IL20RB: variants seen among roughly 807,000 people sequenced by gnomAD.
IL20RB encodes interleukin-20 receptor subunit beta.
Under a neutral mutation model 33.3 loss-of-function variants are expected in IL20RB, and 21 were observed. That is an observed-to-expected ratio of 0.63 (90% CI 0.45 to 0.91). The LOEUF (loss-of-function observed/expected upper bound fraction) is 0.91. IL20RB is among the 40% of genes least tolerant of loss of function. The pLI is 0.00. For synonymous variants in IL20RB, 147 were observed against 146.8 expected (o/e 1.00, Z -0.01); for missense variants, 345 against 384.8 (o/e 0.90, Z 0.86).
intron 3 of IL20RB, among the ~76,000 whole-genome samples, chr3:136,987,158 C>G (rs1941922301): frequency 6.6e-6 from 1 of 152,112 alleles, no homozygotes; most frequent in South Asian, 2.1e-4. Flanking sequence ...GGGCAGCCTG[C>G]TTTTATTCTC....
chr3:136,992,127 T>G (rs1378973919), intron 5 of IL20RB, 39 bp downstream of exon 5: 6 of 1,601,618 alleles, frequency 3.7e-6, no homozygotes, highest in Non-Finnish European at 4.3e-6. Flanking sequence ...CCTGCACAGG[T>G]GATAGCCCCT....
Position 136,957,995 on chromosome 3 carries a change from G to T in IL20RB, c.-119G>T. The T allele has an allele frequency of 1.5e-6, 1 of 674,202 alleles. No individual in the cohort carries two copies. The highest frequency in any genetic ancestry group is 2.6e-6 in the Non-Finnish European group (1 of 388,416). 41.8% of individuals were successfully genotyped at this position (674,202 alleles called of 1,614,324 possible). On this transcript the variant is annotated 5_prime_UTR_variant, in exon 1 of 7. Transcript: ENST00000329582. ...CTGGGCCGGCTCTAGAACAATTCAG[G>T]CTTCGCTGCGACTCAGACCTCAGCT...
chr3:136,995,696 T>C (rs1452709231), intron 6 of IL20RB, 140 bp downstream of exon 6: 3 of 799,710 alleles, frequency 3.8e-6, no homozygotes, highest in Non-Finnish European at 3.9e-6. Flanking sequence ...GGAATACTTA[T>C]AAAATACTTC....
Position 136,995,478 on chromosome 3 carries a change from C to A in IL20RB, c.747C>A (p.Val249=). 1 of 1,614,096 alleles carries A rather than the reference C, an allele frequency of 6.2e-7. No homozygotes were observed. The highest frequency in any genetic ancestry group is 8.5e-7 in the Non-Finnish European group (1 of 1,180,026). ...TTGGCTTCATGCTGATCCTTGTGGT[C>A]GTGCCACTGTTCGTCTGGAAAATGG... ...AFVGFMLILV[V]VPLFVWKMGR... is the part of the protein sequence containing the mutation. The change falls in exon 6 of 7, where the codon GTC becomes GTA. Residue 249 remains valine (V), a synonymous_variant. Coordinates refer to ENST00000329582, the MANE Select transcript of IL20RB (RefSeq NM_144717.4).
In IL20RB at chr3:136,991,992, G is replaced by T; in HGVS notation, c.586G>T (p.Glu196Ter). The part of the protein sequence containing the change: ...GGIPVHLETM[E>*]PGAAYCVKAQ... ...TATTCCAGTGCACCTAGAAACCATG[G>T]AGCCAGGGGCTGCATACTGTGTGAA... is the stretch of plus-strand genomic sequence containing the variant. Residue 196 changes from glutamate (E) to a stop codon, truncating the protein, a stop_gained, in exon 5 of 7, where the codon GAG (glutamate) becomes TAG (stop). Transcript: ENST00000329582. LOFTEE classifies it high-confidence loss of function. 1 of 1,614,160 alleles carries T rather than the reference G, an allele frequency of 6.2e-7. No homozygotes were observed. The highest frequency in any genetic ancestry group is 8.5e-7 in the Non-Finnish European group (1 of 1,180,004).
At chr3:136,983,789 G>A (rs1217745458) in intron 3 of IL20RB, among the ~76,000 whole-genome samples, 1 of 152,198 alleles carries the variant, frequency 6.6e-6, no homozygotes, top group Non-Finnish European at 1.5e-5. Flanking sequence ...AGTCCCTGAG[G>A]CTTAGAAAGC....
intron 6 of IL20RB, among the ~76,000 whole-genome samples, chr3:136,998,161 T>A (rs1942172748): frequency 6.6e-6 from 1 of 150,996 alleles, no homozygotes; most frequent in Admixed American, 6.6e-5. Flanking sequence ...CTCTGTTCTT[T>A]TTCTGCCTCT....
At chr3:136,980,713 C>G (rs2108197422) in intron 2 of IL20RB, 121 bp downstream of exon 2, 3 of 974,612 alleles carry the variant, frequency 3.1e-6, no homozygotes, top group Non-Finnish European at 4.8e-6. Context: ...CCCCAAAGAT[C>G]TACCCCCTCT....
intron 3 of IL20RB, chr3:136,986,875 CT>C (rs1295695994): frequency 5.0e-6 from 2 of 403,884 alleles, no homozygotes; most frequent in Admixed American, 2.8e-5. Context: ...TGGTGGGTTC[CT>C]AGTCTCGCTG....
chr3:136,973,392 G>A (rs997403774), intron 1 of IL20RB, among the ~76,000 whole-genome samples: 8 of 151,974 alleles, frequency 5.3e-5, no homozygotes, highest in African/African-American at 1.2e-4. Context: ...TCAGGAGGCC[G>A]AGGCAGGAGA....
At chr3:136,966,613 G>T (rs1941358643) in intron 1 of IL20RB, among the ~76,000 whole-genome samples, 1 of 78,386 alleles carries the variant, frequency 1.3e-5, no homozygotes, top group Non-Finnish European at 2.4e-5. Flanking sequence ...CTTGCTAGCG[G>T]TCTATCAATT....
intron 2 of IL20RB, 78 bp downstream of exon 2, chr3:136,980,670 C>A: frequency 6.5e-7 from 1 of 1,539,526 alleles, no homozygotes; most frequent in Non-Finnish European, 8.9e-7. Flanking sequence ...CTCCTGAGCC[C>A]AAGGTGGCTT....
At chr3:136,988,500 G>T (rs1941962627) in intron 3 of IL20RB, among the ~76,000 whole-genome samples, 1 of 152,166 alleles carries the variant, frequency 6.6e-6, no homozygotes, top group Non-Finnish European at 1.5e-5. Context: ...AGCACTTTGG[G>T]AGCTCGAGGT....
In IL20RB at chr3:136,980,420, C is replaced by T. The variant is rs200150538; in HGVS notation, c.89-46C>T. On this transcript the variant is annotated intron_variant, in intron 1 of 6. Transcript: ENST00000329582. ...ACTAATTTGAAGCTATGGCATTCCCCCACTATGAGCCCACCTGTCAGCCAG... is the reference window on the plus strand; with the variant it reads ...ACTAATTTGAAGCTATGGCATTCCCTCACTATGAGCCCACCTGTCAGCCAG... The T allele has an allele frequency of 9.3e-6, 15 of 1,613,656 alleles. No homozygotes were observed. The African/African-American group carries it at 1.7e-4, about 19-fold the overall frequency.
At chr3:137,007,805 C>A (rs947309807) in intron 6 of IL20RB, among the ~76,000 whole-genome samples, 3 of 152,150 alleles carry the variant, frequency 2.0e-5, no homozygotes, top group Non-Finnish European at 2.9e-5. Flanking sequence ...GACTGTCCAA[C>A]CAGTCCCAAT....
At chr3:136,973,952 T>C (rs1482065175) in intron 1 of IL20RB, among the ~76,000 whole-genome samples, 1 of 152,178 alleles carries the variant, frequency 6.6e-6, no homozygotes, top group Non-Finnish European at 1.5e-5. Flanking sequence ...TATATGTCTT[T>C]ACTGGTAAGG....
At chr3:137,008,376 A>G (rs1331248977) in intron 6 of IL20RB, among the ~76,000 whole-genome samples, 3 of 152,230 alleles carry the variant, frequency 2.0e-5, no homozygotes, top group African/African-American at 7.2e-5. Flanking sequence ...CTTCTCAGCG[A>G]CAGCAGGTTG....
chr3:136,962,307 T>C (rs1654904), intron 1 of IL20RB, among the ~76,000 whole-genome samples: 70,866 of 151,998 alleles, frequency 0.47, 17,056 homozygotes, highest in East Asian at 0.7. Flanking sequence ...GTGATCAGGG[T>C]GGTTAACATC....
chr3:137,007,396 G>T (rs1418293750), intron 6 of IL20RB, among the ~76,000 whole-genome samples: 2 of 152,226 alleles, frequency 1.3e-5, no homozygotes, highest in African/African-American at 4.8e-5. Flanking sequence ...TGTCCATAGA[G>T]GTGGAGTCTA....
Sources: gnomAD v4.1 joint callset for allele counts (sites outside exome capture counted in the v4.1 genomes callset) on GRCh38, gnomAD v4.1.1 for gene constraint, MANE v1.5 for transcripts, NCBI Gene and HGNC (gene_info 2026-07-23, HGNC 2026-07-21) for gene names.